AIG1: variants seen among roughly 807,000 people sequenced by gnomAD.
The protein encoded by AIG1 is androgen induced 1, also known as androgen-induced gene 1 protein.
A neutral mutation model predicts 31.4 loss-of-function variants in AIG1; 23 were observed. That is an observed-to-expected ratio of 0.73 (90% CI 0.53 to 1.04). AIG1 has a LOEUF of 1.04. AIG1 is among the 50% of genes least tolerant of loss of function. The pLI, the probability that AIG1 is intolerant of heterozygous loss-of-function variation, is 0.00. For synonymous variants in AIG1, 100 were observed against 110.5 expected (o/e 0.90, Z 0.60); for missense variants, 274 against 295.0 (o/e 0.93, Z 0.52).
At chr6:143,066,046 C>T (rs975922427) in intron 1 of AIG1, among the ~76,000 whole-genome samples, 15 of 152,108 alleles carry the variant, frequency 9.9e-5, no homozygotes, top group Admixed American at 4.6e-4. Flanking sequence ...ACTCAAAGTG[C>T]GGGCTGAGGA....
intron 3 of AIG1, chr6:143,186,939 G>A (rs1205062682): frequency 2.9e-5 from 5 of 175,150 alleles, no homozygotes; most frequent in South Asian, 1.3e-4. Flanking sequence ...ACAGAATACC[G>A]TGCCTGCCAC....
chr6:143,075,232 G>A (rs1777625385), intron 1 of AIG1, among the ~76,000 whole-genome samples: 2 of 151,916 alleles, frequency 1.3e-5, no homozygotes, highest in South Asian at 4.2e-4. Context: ...TTATTGATTT[G>A]TTTCAAAGAT....
At chr6:143,112,808 T>C (rs767436042) in intron 1 of AIG1, among the ~76,000 whole-genome samples, 1 of 152,138 alleles carries the variant, frequency 6.6e-6, no homozygotes, top group Non-Finnish European at 1.5e-5. Flanking sequence ...GCATTTTTGA[T>C]CCTCACATGT....
At chr6:143,150,299 C>T (rs571550244) in intron 2 of AIG1, among the ~76,000 whole-genome samples, 53 of 152,094 alleles carry the variant, frequency 3.5e-4, no homozygotes, top group Non-Finnish European at 6.6e-4. Flanking sequence ...GTAAGAAAGG[C>T]AGAGCAACTT....
intron 3 of AIG1, among the ~76,000 whole-genome samples, chr6:143,267,611 G>A (rs931197072): frequency 6.6e-6 from 1 of 152,020 alleles, no homozygotes; most frequent in Non-Finnish European, 1.5e-5. Context: ...GATTCTCAAG[G>A]CTCCAAGTTA....
intron 3 of AIG1, among the ~76,000 whole-genome samples, chr6:143,237,951 A>G (rs1562515810): frequency 6.6e-6 from 1 of 151,780 alleles, no homozygotes; most frequent in African/African-American, 2.4e-5. Context: ...TTTATTTTTT[A>G]TTTTTTTGAG....
intron 1 of AIG1, among the ~76,000 whole-genome samples, chr6:143,086,029 A>G (rs1007734150): frequency 1.3e-5 from 2 of 152,254 alleles, no homozygotes; most frequent in African/African-American, 4.8e-5. Context: ...GACTTAGAAT[A>G]GTTCTGAACT....
chr6:143,103,619 T>C (rs1355709153), intron 1 of AIG1, among the ~76,000 whole-genome samples: 2 of 146,824 alleles, frequency 1.4e-5, no homozygotes, highest in Admixed American at 1.4e-4. Flanking sequence ...GCCATTCTCC[T>C]GCCTCAGCCT....
chr6:143,205,407 T>C (rs1791034739), intron 3 of AIG1, among the ~76,000 whole-genome samples: 1 of 152,236 alleles, frequency 6.6e-6, no homozygotes, highest in South Asian at 2.1e-4. Context: ...TGGGTTAATT[T>C]ATACAGTTTT....
At chr6:143,077,759 T>G (rs56887572) in intron 1 of AIG1, among the ~76,000 whole-genome samples, 14,479 of 152,250 alleles carry the variant, frequency 0.095, 2,168 homozygotes, top group African/African-American at 0.32. Context: ...CAGCCATTAT[T>G]TCTTCAAATA....
In AIG1 at chr6:143,333,329, T is replaced by G; in HGVS notation, c.563T>G (p.Leu188Arg). The G allele has an allele frequency of 6.2e-7, 1 of 1,613,894 alleles. No individual in the cohort carries two copies. The change falls in exon 5 of 6, where the codon CTG becomes CGG. Residue 188 changes from leucine to arginine, a missense_variant. Transcript: ENST00000357847. This position sits in a 1 kb window ranked among gnomAD's most constrained non-coding sequence, Gnocchi z 4.6. ...HVTGMWVYPFLEHIGPGARII... is the reference protein window; with the variant it reads ...HVTGMWVYPFREHIGPGARII... ...ACTGGCATGTGGGTGTACCCTTTCC[T>G]GGAACACATTGGCCCAGGAGCCAGA...
intron 3 of AIG1, among the ~76,000 whole-genome samples, chr6:143,213,271 T>C (rs1791729995): frequency 6.6e-6 from 1 of 152,184 alleles, no homozygotes; most frequent in South Asian, 2.1e-4. Context: ...GCAATCACTG[T>C]GCCAGATGCT....
At chr6:143,227,990 A>G (rs563069192) in intron 3 of AIG1, among the ~76,000 whole-genome samples, 1 of 152,248 alleles carries the variant, frequency 6.6e-6, no homozygotes, top group Admixed American at 6.5e-5. Flanking sequence ...CTTTCTCTGT[A>G]GTGAGTTCAA....
intron 4 of AIG1, among the ~76,000 whole-genome samples, chr6:143,306,369 G>T (rs1799309250): frequency 6.6e-6 from 1 of 152,108 alleles, no homozygotes; most frequent in African/African-American, 2.4e-5. Flanking sequence ...GGTACTGGTT[G>T]TTCCTTTCCA....
intron 3 of AIG1, among the ~76,000 whole-genome samples, chr6:143,272,099 T>C (rs1796565254): frequency 6.6e-6 from 1 of 152,148 alleles, no homozygotes; most frequent in South Asian, 2.1e-4. Context: ...TCTATTTCTA[T>C]ACTGTATGTG....
rs533011368 is a variant in AIG1, at chr6:143,339,862, T to C, written c.*186T>C. On this transcript the variant is annotated 3_prime_UTR_variant, in exon 6 of 6. Transcript: ENST00000357847. ...AGAATACAGTTGTTTCCAAAAGAAC[T>C]CACCCTCACTGTGTGTTAAAGAATT... The C allele has an allele frequency of 2.2e-6, 1 of 449,312 alleles. No individual in the cohort carries two copies. The highest frequency in any genetic ancestry group is 4.3e-5 in the Admixed American group (1 of 23,246). 27.8% of individuals were successfully genotyped at this position (449,312 alleles called of 1,614,324 possible).
At chr6:143,207,766 A>T (rs565691401) in intron 3 of AIG1, among the ~76,000 whole-genome samples, 118 of 152,284 alleles carry the variant, frequency 7.7e-4, no homozygotes, top group Middle Eastern at 3.4e-3. Flanking sequence ...GGTAGATTTC[A>T]GGAAAAATTA....
chr6:143,071,022 G>C (rs1308744052), intron 1 of AIG1, among the ~76,000 whole-genome samples: 1 of 152,228 alleles, frequency 6.6e-6, no homozygotes, highest in Non-Finnish European at 1.5e-5. Context: ...TATTAAAACA[G>C]TAAAGTTATA....
chr6:143,132,566 T>C (rs1252685645), intron 1 of AIG1, among the ~76,000 whole-genome samples: 1 of 152,118 alleles, frequency 6.6e-6, no homozygotes, highest in Non-Finnish European at 1.5e-5. Flanking sequence ...TTTCTTTGTG[T>C]GTACTCCACT....
Sources: gnomAD v4.1 joint callset for allele counts (sites outside exome capture counted in the v4.1 genomes callset) on GRCh38, gnomAD v4.1.1 for gene constraint, Gnocchi (gnomAD v3.1) non-coding constraint, MANE v1.5 for transcripts, NCBI Gene and HGNC (gene_info 2026-07-23, HGNC 2026-07-21) for gene names.